AFF1: variants seen among roughly 807,000 people sequenced by gnomAD.
The protein encoded by AFF1 is ALF transcription elongation factor 1, also known as AF4/FMR2 family member 1.
In AFF1, 48 loss-of-function variants were observed where a neutral mutation model predicts 121.7. The observed-to-expected ratio is 0.39, with a 90% CI of 0.31 to 0.50. The LOEUF (loss-of-function observed/expected upper bound fraction) is 0.50, where lower values mean the gene tolerates loss of function less well. Among genes scored for constraint, AFF1 ranks in the 20% least tolerant of loss-of-function variants. AFF1 has a pLI of 0.76. For missense variants in AFF1, 1,523 were observed against 1,511.7 expected, an observed-to-expected ratio of 1.01 and a Z score of -0.12; for synonymous variants, 613 against 563.0, an observed-to-expected ratio of 1.09 and a Z score of -1.26.
intron 4 of AFF1, among the ~76,000 whole-genome samples, chr4:87,071,875 T>A (rs2149678796): frequency 6.6e-6 from 1 of 152,232 alleles, no homozygotes; most frequent in South Asian, 2.1e-4. Flanking sequence ...TATTGGGGGT[T>A]ATGATGTGGT....
intron 1 of AFF1, chr4:86,936,084 A>T (rs560649099): frequency 6.6e-6 from 1 of 152,222 alleles, no homozygotes; most frequent in South Asian, 2.1e-4. Flanking sequence ...CTTCTCCACC[A>T]CCAGCACCCG....
intron 4 of AFF1, among the ~76,000 whole-genome samples, chr4:87,076,653 CT>C (rs1722702931): frequency 6.6e-6 from 1 of 152,188 alleles, no homozygotes; most frequent in African/African-American, 2.4e-5. Flanking sequence ...TTTAGCATGG[CT>C]GTTTTTTGTT....
At chr4:87,051,415 CTT>C (rs5860052) in intron 4 of AFF1, among the ~76,000 whole-genome samples, 156 of 141,650 alleles carry the variant, frequency 1.1e-3, no homozygotes, top group African/African-American at 2.1e-3. Flanking sequence ...TTTCCTTTTT[CTT>C]TTTTTTTTTT....
intron 1 of AFF1, among the ~76,000 whole-genome samples, chr4:86,944,560 C>G (rs974188117): frequency 4.6e-5 from 7 of 152,010 alleles, no homozygotes; most frequent in Non-Finnish European, 1.0e-4. Context: ...TAACCAGGAT[C>G]GTCTTGATTT....
chr4:87,074,306 A>T (rs918939685), intron 4 of AFF1, among the ~76,000 whole-genome samples: 2 of 143,558 alleles, frequency 1.4e-5, no homozygotes, highest in Non-Finnish European at 3.1e-5. Flanking sequence ...TGATGCCTTT[A>T]AAAAAAAAAA....
chr4:86,998,098 C>CACAAAAAAAAAAAA (rs1725364068), intron 2 of AFF1, among the ~76,000 whole-genome samples: 1 of 91,746 alleles, frequency 1.1e-5, no homozygotes. Flanking sequence ...AACTCCGTCT[C>CACAAAAAAAAAAAA]AAAAAAAAAA....
At chr4:87,084,271 G>A in intron 5 of AFF1, 107 bp downstream of exon 5, 2 of 1,205,822 alleles carry the variant, frequency 1.7e-6, no homozygotes, top group Non-Finnish European at 2.4e-6. Flanking sequence ...GGGTGCGGTG[G>A]CTCATGCCTG....
rs754602904 is a variant in AFF1, at chr4:87,105,630, TGCTCGAAGACGACCTTCA to T, written c.1291_1308del (p.Glu431_Leu436del). 3.7e-6 allele frequency: 6 copies of T among 1,614,220 alleles called. No individual in the cohort carries two copies. The highest frequency in any genetic ancestry group is 1.7e-5 in the Admixed American group (1 of 60,024). ...CTCTGTGTCCCTGCCCATTCCAGCATGCTCGAAGACGACCTTCAGCTCAGTGACAGTGAGGACAGTGAC... is the reference window on the plus strand; with the variant it reads ...CTCTGTGTCCCTGCCCATTCCAGCATGCTCAGTGACAGTGAGGACAGTGAC... On this transcript the variant is annotated inframe_deletion, in exon 9 of 21. Transcript: ENST00000395146.
intron 2 of AFF1, among the ~76,000 whole-genome samples, chr4:87,035,644 A>G (rs543213342): frequency 1.3e-5 from 2 of 152,164 alleles, no homozygotes; most frequent in South Asian, 4.2e-4. Context: ...GAATAACAAG[A>G]TCAGGTTTAT....
rs995506346 is a variant in AFF1, at chr4:87,137,075, A to G, written c.*1374A>G. On this transcript the variant is annotated 3_prime_UTR_variant, in exon 21 of 21. Coordinates refer to ENST00000395146, the MANE Select transcript of AFF1 (RefSeq NM_001166693.3). ...AGAAATCCCATGTGCCCATAAGCACAGATTTTTCTTTTTCATTGAAACTTT... is the reference window on the plus strand; with the variant it reads ...AGAAATCCCATGTGCCCATAAGCACGGATTTTTCTTTTTCATTGAAACTTT... The G allele has an allele frequency of 1.3e-5, 3 of 224,732 alleles. No homozygotes were observed. The highest frequency in any genetic ancestry group is 6.7e-5 in the African/African-American group (3 of 44,854). 13.9% of individuals were successfully genotyped at this position (224,732 alleles called of 1,614,324 possible).
At chr4:87,046,017 A>G (rs1730650835) in intron 2 of AFF1, 149 bp from the exon 3 acceptor site, 1 of 979,628 alleles carries the variant, frequency 1.0e-6, no homozygotes, top group Middle Eastern at 2.7e-4. Flanking sequence ...GGCTGGGTTA[A>G]GGAACTTAGG....
chr4:87,061,724 C>G (rs7660883), intron 4 of AFF1, among the ~76,000 whole-genome samples: 64,142 of 151,918 alleles, frequency 0.42, 14,048 homozygotes, highest in African/African-American at 0.54. Context: ...ATGTTCTCTC[C>G]GTCAATTCAA....
Position 87,046,691 on chromosome 4 carries a change from T to C in AFF1, c.160-4T>C, listed in dbSNP as rs1311455357. 3 of 1,581,214 alleles carry C rather than the reference T, an allele frequency of 1.9e-6. No homozygotes were observed. Among genetic ancestry groups the C allele is most frequent in the South Asian group, 2.3e-5 (2 of 85,674 alleles). ...TTCATTCTCAAATTCTCCTTTTTTTTCAGACAGCAAAAGGTGATGAGCTGT... is the reference window on the plus strand; with the variant it reads ...TTCATTCTCAAATTCTCCTTTTTTTCCAGACAGCAAAAGGTGATGAGCTGT... On this transcript the variant is annotated splice_polypyrimidine_tract_variant and splice_region_variant and intron_variant, in intron 3 of 20. Transcript: ENST00000395146.
chr4:86,978,252 C>T (rs548548657), intron 2 of AFF1, among the ~76,000 whole-genome samples: 41 of 122,190 alleles, frequency 3.4e-4, no homozygotes, highest in Admixed American at 1.0e-3. Flanking sequence ...GGCACAACCT[C>T]GGCTCACTGC....
intron 2 of AFF1, among the ~76,000 whole-genome samples, chr4:86,993,588 G>GA (rs1724891756): frequency 6.6e-6 from 1 of 152,152 alleles, no homozygotes; most frequent in African/African-American, 2.4e-5. Flanking sequence ...AGAGTTTATG[G>GA]AACTCCTAAA....
chr4:86,947,043 T>A (rs967665290), intron 1 of AFF1, among the ~76,000 whole-genome samples: 2 of 151,898 alleles, frequency 1.3e-5, no homozygotes, highest in African/African-American at 2.4e-5. Flanking sequence ...AGAGAGAAAG[T>A]GTGAGCAGCA....
At chr4:87,052,073 A>G (rs1241494587) in intron 4 of AFF1, among the ~76,000 whole-genome samples, 4 of 152,122 alleles carry the variant, frequency 2.6e-5, no homozygotes, top group Middle Eastern at 3.2e-3. Context: ...TCAGTCATGC[A>G]GAGCTCAGAG....
rs769305052 is a variant in AFF1, at chr4:87,046,745, C to T, written c.210C>T (p.Asn70=). 6.2e-7 allele frequency: 1 copy of T among 1,614,010 alleles called. No homozygotes were observed. Among genetic ancestry groups the T allele is most frequent in the East Asian group, 2.2e-5 (1 of 44,868 alleles). The stretch of plus-strand genomic sequence containing the variant: ...GTCGAATACAGAACATGTTGGGAAA[C>T]TACGAAGAAGTGAAGGAGTTCCTTA... The part of the protein sequence containing the change: ...LSSRIQNMLG[N]YEEVKEFLST... The change falls in exon 4 of 21, where the codon AAC becomes AAT. Residue 70 remains asparagine, a synonymous_variant. Coordinates refer to ENST00000395146, the MANE Select transcript of AFF1 (RefSeq NM_001166693.3).
chr4:87,003,832 T>C (rs969315791), intron 2 of AFF1, among the ~76,000 whole-genome samples: 1 of 152,228 alleles, frequency 6.6e-6, no homozygotes, highest in Non-Finnish European at 1.5e-5. Context: ...GAATATTTAC[T>C]ATTGCAAAAG....
Sources: gnomAD v4.1 joint callset for allele counts (sites outside exome capture counted in the v4.1 genomes callset) on GRCh38, gnomAD v4.1.1 for gene constraint, MANE v1.5 for transcripts, NCBI Gene and HGNC (gene_info 2026-07-23, HGNC 2026-07-21) for gene names.